FOXN3: variants seen among roughly 807,000 people sequenced by gnomAD.
FOXN3 encodes the protein forkhead box protein N3.
Under a neutral mutation model 38.4 loss-of-function variants are expected in FOXN3, and 7 were observed. The observed-to-expected ratio is 0.18, with a 90% CI of 0.10 to 0.34. The LOEUF is 0.34. Among genes scored for constraint, FOXN3 ranks in the 10% least tolerant of loss-of-function variants. The pLI, the probability that FOXN3 is intolerant of heterozygous loss-of-function variation, is 1.00. For synonymous variants in FOXN3, 230 were observed against 242.2 expected (o/e 0.95, Z 0.47); for missense variants, 456 against 613.4 (o/e 0.74, Z 2.71).
chr14:89,198,144 G>A (rs1020051747), intron 4 of FOXN3, among the ~76,000 whole-genome samples: 1 of 152,156 alleles, frequency 6.6e-6, no homozygotes, highest in Non-Finnish European at 1.5e-5. Flanking sequence ...TTGCTGACAT[G>A]TATACTATGT....
intron 1 of FOXN3, among the ~76,000 whole-genome samples, chr14:89,509,332 GT>G (rs201028422): frequency 3.4e-4 from 20 of 58,532 alleles, no homozygotes; most frequent in Non-Finnish European, 1.1e-3. Context: ...TTTTGTTGTT[GT>G]TTGTTTGTTT....
Position 89,331,927 on chromosome 14 carries a change from G to C in FOXN3, c.680+18745C>G, listed in dbSNP as rs17125702. The stretch of plus-strand genomic sequence containing the variant: ...CCCAAATTGGTGTTCCTTGGAATAT[G>C]TTGATCAGTGTGCTGTGATTTTTTT... On this transcript the variant is annotated intron_variant, in intron 3 of 5. Coordinates refer to ENST00000557258, the MANE Select transcript of FOXN3 (RefSeq NM_005197.4). 7.0e-3 allele frequency among the ~76,000 whole-genome samples: 1,067 copies of C among 152,292 alleles called. 16 individuals carry two copies. The highest frequency in any genetic ancestry group is 0.025 in the African/African-American group (1,023 of 41,554).
At chr14:89,350,884 T>C in intron 2 of FOXN3, 76 bp from the exon 3 acceptor site, 1 of 1,072,678 alleles carries the variant, frequency 9.3e-7, no homozygotes, top group Non-Finnish European at 1.3e-6. Context: ...TGTATAGCTA[T>C]TATCACTTCT....
At chr14:89,424,712 A>AG (rs1891986255) in intron 1 of FOXN3, among the ~76,000 whole-genome samples, 1 of 141,704 alleles carries the variant, frequency 7.1e-6, no homozygotes, top group Non-Finnish European at 1.5e-5. Flanking sequence ...CTATGACTCT[A>AG]CAAAAAAAAA....
rs182112270 is a variant in FOXN3 at position 89,386,087 on chromosome 14, G to A, written c.543+25847C>T. Among the ~76,000 whole-genome samples the A allele has an allele frequency of 1.2e-3, 190 of 152,220 alleles. 7 individuals carry two copies. The East Asian group carries it at 0.024, about 19-fold the overall frequency. On this transcript the variant is annotated intron_variant, in intron 2 of 5. Coordinates refer to ENST00000557258, the MANE Select transcript of FOXN3 (RefSeq NM_005197.4). ...GCAAGTTTATGGGTAGGTTTGACAC[G>A]CAAATGCCTTCGCTGACAGCAAACA...
Position 89,158,672 on chromosome 14 carries a change from A to C in FOXN3, c.*3742T>G, listed in dbSNP as rs775680364. The stretch of plus-strand genomic sequence containing the variant: ...ACCCTTTCCACATAGTACTAGATAA[A>C]GACAAAAGACAATTATAATAGGATA... On this transcript the variant is annotated 3_prime_UTR_variant, in exon 6 of 6. Coordinates refer to ENST00000557258, the MANE Select transcript of FOXN3 (RefSeq NM_005197.4). 2 of 152,632 alleles carry C rather than the reference A, an allele frequency of 1.3e-5. No homozygotes were observed. The highest frequency in any genetic ancestry group is 2.4e-5 in the African/African-American group (1 of 41,438). The allele number at this position is 152,632 out of a possible 1,614,324, so 9.5% of individuals were successfully genotyped here.
chr14:89,590,782 C>A (rs1336985818), intron 1 of FOXN3, among the ~76,000 whole-genome samples: 3 of 152,188 alleles, frequency 2.0e-5, no homozygotes, highest in Non-Finnish European at 4.4e-5. Flanking sequence ...CTCTAACCTT[C>A]CCCTCCATCC....
chr14:89,302,207 C>G (rs1441571484), intron 3 of FOXN3, among the ~76,000 whole-genome samples: 1 of 152,216 alleles, frequency 6.6e-6, no homozygotes, highest in Non-Finnish European at 1.5e-5. Context: ...TATTCCTCTC[C>G]TGGAAGTGAA....
At chr14:89,570,264 G>A (rs140128346) in intron 1 of FOXN3, among the ~76,000 whole-genome samples, 3,401 of 152,234 alleles carry the variant, frequency 0.022, 54 homozygotes, top group Non-Finnish European at 0.036. Flanking sequence ...CTCCCAAAGC[G>A]CTGGGATTAC....
intron 4 of FOXN3, among the ~76,000 whole-genome samples, chr14:89,205,313 A>G (rs1888352402): frequency 1.3e-5 from 2 of 152,066 alleles, no homozygotes. Flanking sequence ...GTCATGAGGG[A>G]GGGGCCCTCA....
intron 3 of FOXN3, among the ~76,000 whole-genome samples, chr14:89,316,855 G>A (rs1887734081): frequency 6.6e-6 from 1 of 152,012 alleles, no homozygotes; most frequent in Non-Finnish European, 1.5e-5. Flanking sequence ...AGTAGAGACG[G>A]GGTTTCGCCA....
At chr14:89,208,696 T>C (rs532213115) in intron 4 of FOXN3, among the ~76,000 whole-genome samples, 2 of 152,306 alleles carry the variant, frequency 1.3e-5, no homozygotes, top group African/African-American at 4.8e-5. Context: ...GATTTTCATA[T>C]AGACAGACTC....
intron 1 of FOXN3, among the ~76,000 whole-genome samples, chr14:89,529,697 ATATTGT>A (rs1894514617): frequency 6.6e-6 from 1 of 152,102 alleles, no homozygotes; most frequent in Non-Finnish European, 1.5e-5. Context: ...TATTGCAGAA[ATATTGT>A]TGTTGTTTCC....
At chr14:89,176,362 G>GAA (rs35367142) in intron 5 of FOXN3, among the ~76,000 whole-genome samples, 4 of 151,550 alleles carry the variant, frequency 2.6e-5, no homozygotes, top group Non-Finnish European at 5.9e-5. Context: ...CTCTGTGGAG[G>GAA]AAAAAAAAAT....
chr14:89,343,615 T>G (rs575272679), intron 3 of FOXN3, among the ~76,000 whole-genome samples: 1 of 142,384 alleles, frequency 7.0e-6, no homozygotes. Flanking sequence ...GGAGAGGCCA[T>G]TAATGTGTGT....
intron 1 of FOXN3, among the ~76,000 whole-genome samples, chr14:89,487,349 C>G (rs1490022172): frequency 1.3e-5 from 2 of 152,180 alleles, no homozygotes; most frequent in African/African-American, 4.8e-5. Context: ...GCGCTGTAGT[C>G]TGAGAATGTT....
upstream of FOXN3, among the ~76,000 whole-genome samples, chr14:89,421,858 C>G (rs996897007): frequency 6.6e-5 from 10 of 151,420 alleles, no homozygotes; most frequent in African/African-American, 2.2e-4. Context: ...CTACAATAAA[C>G]ACCCATTACA....
intron 4 of FOXN3, among the ~76,000 whole-genome samples, chr14:89,205,511 A>T (rs1252222310): frequency 6.6e-6 from 1 of 152,238 alleles, no homozygotes; most frequent in African/African-American, 2.4e-5. Flanking sequence ...GCACTGACGT[A>T]AGCGGCTGGA....
chr14:89,550,221 C>A (rs1296926910), intron 1 of FOXN3, among the ~76,000 whole-genome samples: 3 of 152,170 alleles, frequency 2.0e-5, no homozygotes, highest in Non-Finnish European at 4.4e-5. Context: ...GTTCCGCCAC[C>A]CATCTCTGGG....
Sources: allele counts gnomAD v4.1 joint callset (sites outside exome capture counted in the v4.1 genomes callset), GRCh38; gene constraint gnomAD v4.1.1; transcripts MANE v1.5; gene names NCBI Gene and HGNC (gene_info 2026-07-23, HGNC 2026-07-21).